The following ITFG1 variants were observed in gnomAD, a reference collection of about 807,000 sequenced individuals.
The protein encoded by ITFG1 is integrin alpha FG-GAP repeat containing 1.
ITFG1 carries 34 observed loss-of-function variants against 81.8 expected under a neutral mutation model. That is an observed-to-expected ratio of 0.42 (90% CI 0.32 to 0.55). The LOEUF is 0.55. Ranked by LOEUF, ITFG1 falls within the 20% of genes least tolerant of loss-of-function variation. The probability of loss-of-function intolerance (pLI) is 0.17; values close to 1 mark genes in which losing one functional copy is unlikely to be tolerated. For synonymous variants in ITFG1, 285 were observed against 270.6 expected, an observed-to-expected ratio of 1.05 and a Z score of -0.52; for missense variants, 672 against 755.4, an observed-to-expected ratio of 0.89 and a Z score of 1.29.
chr16:47,420,540 GA>G (rs1482589060), intron 6 of ITFG1, among the ~76,000 whole-genome samples: 1 of 152,168 alleles, frequency 6.6e-6, no homozygotes, highest in Non-Finnish European at 1.5e-5. Context: ...GAAGCGTGAG[GA>G]TCATGGGGGC....
chr16:47,367,176 C>A (rs1420614148), intron 7 of ITFG1, among the ~76,000 whole-genome samples: 2 of 152,174 alleles, frequency 1.3e-5, no homozygotes, highest in Non-Finnish European at 2.9e-5. Context: ...ATGAGTAGGG[C>A]GAGGTACGGA....
intron 14 of ITFG1, among the ~76,000 whole-genome samples, chr16:47,205,411 A>C (rs1348980599): frequency 1.3e-5 from 2 of 152,146 alleles, no homozygotes. Flanking sequence ...ATTCGTACAA[A>C]TTTTCAGACT....
At chr16:47,219,840 A>T in intron 13 of ITFG1, among the ~76,000 whole-genome samples, 1 of 152,318 alleles carries the variant, frequency 6.6e-6, no homozygotes, top group South Asian at 2.1e-4. Context: ...TCCAATGGCT[A>T]TGAGAAAATA....
chr16:47,434,653 G>A (rs1444824031), intron 5 of ITFG1, among the ~76,000 whole-genome samples: 1 of 152,150 alleles, frequency 6.6e-6, no homozygotes, highest in African/African-American at 2.4e-5. Flanking sequence ...ATTCCTCAAA[G>A]ACCGAGAGGC....
At chr16:47,327,858 C>T (rs987496588) in intron 8 of ITFG1, among the ~76,000 whole-genome samples, 2 of 152,166 alleles carry the variant, frequency 1.3e-5, no homozygotes, top group Non-Finnish European at 2.9e-5. Context: ...GAAATAGGAA[C>T]ACTTACACTG....
intron 10 of ITFG1, among the ~76,000 whole-genome samples, chr16:47,267,618 G>A (rs1298713174): frequency 6.6e-6 from 1 of 151,998 alleles, no homozygotes; most frequent in African/African-American, 2.4e-5. Context: ...ATCTTTTGAC[G>A]TAACATGAAA....
At chr16:47,386,295 T>C (rs1170418917) in intron 6 of ITFG1, among the ~76,000 whole-genome samples, 1 of 152,210 alleles carries the variant, frequency 6.6e-6, no homozygotes, top group Non-Finnish European at 1.5e-5. Flanking sequence ...CCTGTAACTT[T>C]TGAACTACTA....
At chr16:47,247,916 C>T (rs772043127) in intron 12 of ITFG1, among the ~76,000 whole-genome samples, 55 of 152,118 alleles carry the variant, frequency 3.6e-4, no homozygotes, top group Non-Finnish European at 7.1e-4. Context: ...TCTGAATGAA[C>T]GAGGCTGGAT....
intron 8 of ITFG1, among the ~76,000 whole-genome samples, chr16:47,361,523 T>C (rs1968109150): frequency 2.0e-5 from 3 of 152,110 alleles, no homozygotes; most frequent in South Asian, 4.1e-4. Flanking sequence ...GAAGATATAG[T>C]AGGGCAAGAC....
intron 14 of ITFG1, among the ~76,000 whole-genome samples, chr16:47,199,304 C>T (rs952613907): frequency 1.0e-5 from 1 of 98,422 alleles, no homozygotes; most frequent in Non-Finnish European, 2.2e-5. Flanking sequence ...AACAAAAAAA[C>T]CAAATTTAGT....
intron 8 of ITFG1, among the ~76,000 whole-genome samples, chr16:47,363,526 C>T (rs891842692): frequency 2.6e-5 from 4 of 152,104 alleles, no homozygotes; most frequent in Non-Finnish European, 5.9e-5. Flanking sequence ...AACCACCACA[C>T]CCAGCCATAC....
rs1969488520 is a variant in ITFG1 at position 47,459,124 on chromosome 16, G to A, written c.260C>T (p.Pro87Leu). The part of the protein sequence containing the change: ...LADQNAPYFK[P>L]KVKVSFKNHS... ...TTACTTGAAAGATACCTTTACTTTG[G>A]GTTTAAAATAGGGTGCATTCTGGTC... Residue 87 changes from proline (P) to leucine (L), a missense_variant, in exon 2 of 18, where the codon CCC becomes CTC. By Grantham distance (98) the Pro-to-Leu change is moderately conservative. Transcript: ENST00000320640. 6.3e-7 allele frequency: 1 copy of A among 1,594,558 alleles called. No homozygotes were observed. Among genetic ancestry groups the A allele is most frequent in the African/African-American group, 1.3e-5 (1 of 74,422 alleles).
At chr16:47,362,292 A>C (rs753909861) in intron 8 of ITFG1, among the ~76,000 whole-genome samples, 7 of 152,170 alleles carry the variant, frequency 4.6e-5, no homozygotes, top group Non-Finnish European at 8.8e-5. Context: ...CTCTTTTAAC[A>C]TCAAAATCTC....
At chr16:47,416,720 C>A (rs1367389586) in intron 6 of ITFG1, among the ~76,000 whole-genome samples, 2 of 152,118 alleles carry the variant, frequency 1.3e-5, no homozygotes, top group African/African-American at 4.8e-5. Flanking sequence ...CTCTGCCTTC[C>A]AACATTGGTG....
chr16:47,392,542 T>C (rs572849361), intron 6 of ITFG1, among the ~76,000 whole-genome samples: 9 of 152,310 alleles, frequency 5.9e-5, no homozygotes, highest in South Asian at 2.1e-4. Context: ...CATTATGGTA[T>C]AGACTGCAAA....
chr16:47,311,523 C>G (rs1163399102), intron 9 of ITFG1, 111 bp from the exon 10 acceptor site: 52 of 745,498 alleles, frequency 7.0e-5, no homozygotes, highest in Non-Finnish European at 1.0e-4. Flanking sequence ...TTTTACTTAA[C>G]TTTTTTATCT....
intron 13 of ITFG1, among the ~76,000 whole-genome samples, chr16:47,234,735 G>A (rs570521357): frequency 1.3e-5 from 2 of 152,190 alleles, no homozygotes; most frequent in Non-Finnish European, 2.9e-5. Flanking sequence ...GCTCATTTGA[G>A]GTTGAAGACC....
intron 16 of ITFG1, among the ~76,000 whole-genome samples, chr16:47,160,745 G>GT (rs1432845899): frequency 1.3e-5 from 2 of 152,156 alleles, no homozygotes; most frequent in African/African-American, 4.8e-5. Flanking sequence ...TGGCTCTGAG[G>GT]TAGAGAGGGG....
Position 47,379,732 on chromosome 16 carries a change from T to C in ITFG1, c.656-3792A>G, listed in dbSNP as rs1187042755. Reference sequence around the variant, plus strand: ...GATTCTGTAGTTGGATCACCTTTCATGGGGCAGGCAATATGGGTTCCTTCA... The same window carrying C: ...GATTCTGTAGTTGGATCACCTTTCACGGGGCAGGCAATATGGGTTCCTTCA... On this transcript the variant is annotated intron_variant, in intron 6 of 17. Coordinates refer to ENST00000320640, the MANE Select transcript of ITFG1 (RefSeq NM_030790.5). Among the ~76,000 whole-genome samples, 3 of 151,332 alleles carry C rather than the reference T, an allele frequency of 2.0e-5. No homozygotes were observed. In the East Asian group the frequency reaches 5.8e-4, roughly 29 times the overall value.
Sources: gnomAD v4.1 joint callset for allele counts (sites outside exome capture counted in the v4.1 genomes callset) on GRCh38, gnomAD v4.1.1 for gene constraint, MANE v1.5 for transcripts, NCBI Gene and HGNC (gene_info 2026-07-23, HGNC 2026-07-21) for gene names.